Variants in EXOC6B observed in about 807,000 individuals in gnomAD.
EXOC6B encodes the protein exocyst complex component 6B.
A neutral mutation model predicts 113.5 loss-of-function variants in EXOC6B; 54 were observed. That is an observed-to-expected ratio of 0.48 (90% confidence interval 0.38 to 0.60). The LOEUF (loss-of-function observed/expected upper bound fraction) is 0.60. Ranked by LOEUF, EXOC6B falls within the 20% of genes least tolerant of loss-of-function variation. The pLI is 0.00. For synonymous variants in EXOC6B, 357 were observed against 339.0 expected (o/e 1.05, Z -0.58); for missense variants, 797 against 977.5 (o/e 0.82, Z 2.46).
intron 6 of EXOC6B, among the ~76,000 whole-genome samples, chr2:72,650,920 G>C (rs1023483667): frequency 6.6e-6 from 1 of 151,618 alleles, no homozygotes; most frequent in African/African-American, 2.4e-5. Context: ...CCAGGATTTT[G>C]AGGCTACAGT....
intron 6 of EXOC6B, among the ~76,000 whole-genome samples, chr2:72,616,904 C>T (rs564355240): frequency 7.7e-4 from 117 of 152,310 alleles, no homozygotes; most frequent in African/African-American, 2.7e-3. Context: ...AAAATCTCAT[C>T]TGAGACAAGG....
At chr2:72,278,758 C>G (rs541205653) in intron 20 of EXOC6B, among the ~76,000 whole-genome samples, 1 of 152,270 alleles carries the variant, frequency 6.6e-6, no homozygotes, top group African/African-American at 2.4e-5. Context: ...ATATCTAGTA[C>G]TGTTCCTAGT....
At chr2:72,396,410 T>G (rs1386502140) in intron 18 of EXOC6B, among the ~76,000 whole-genome samples, 1 of 151,998 alleles carries the variant, frequency 6.6e-6, no homozygotes, top group Non-Finnish European at 1.5e-5. Flanking sequence ...AAAATAAATA[T>G]CCACTGAAAA....
At chr2:72,600,226 A>G (rs1573464425) in intron 6 of EXOC6B, among the ~76,000 whole-genome samples, 2 of 152,226 alleles carry the variant, frequency 1.3e-5, no homozygotes, top group Non-Finnish European at 2.9e-5. Context: ...AGACTGCTTG[A>G]GCCCAGGAGT....
In EXOC6B at chr2:72,204,550, GAA is replaced by G. The variant is rs1491026362; in HGVS notation, c.2197-20365_2197-20364del. 2.4e-4 allele frequency among the ~76,000 whole-genome samples: 32 copies of G among 130,752 alleles called. 1 individual carries two copies. The highest frequency in any genetic ancestry group is 1.0e-3 in the African/African-American group (28 of 27,196). 85.8% of individuals were successfully genotyped at this position (130,752 alleles called of 152,430 possible). A position where few individuals can be genotyped will look rare whatever the true frequency, so the allele number is the denominator to read the frequency against. On this transcript the variant is annotated intron_variant, in intron 20 of 21. Transcript: ENST00000272427. ...CACATTAAAGGGGAGAAGACCAGAA[GAA>G]GAAAAAAAAAAAAGCAGGTGACCTC...
intron 20 of EXOC6B, among the ~76,000 whole-genome samples, chr2:72,240,120 A>G (rs1183667661): frequency 1.3e-5 from 2 of 152,160 alleles, no homozygotes; most frequent in African/African-American, 4.8e-5. Flanking sequence ...TGTCATCTAC[A>G]AATAAAGATA....
chr2:72,764,071 C>T (rs1478663503), intron 1 of EXOC6B, among the ~76,000 whole-genome samples: 1 of 151,890 alleles, frequency 6.6e-6, no homozygotes, highest in Admixed American at 6.6e-5. Flanking sequence ...AGAGCGAGCA[C>T]TTGTCTTAAA....
chr2:72,741,440 C>G lies in EXOC6B; in HGVS notation c.143G>C (p.Arg48Pro). 1 of 1,613,202 alleles carries G rather than the reference C, an allele frequency of 6.2e-7. No homozygotes were observed. Among genetic ancestry groups the G allele is most frequent in the African/African-American group, 1.3e-5 (1 of 74,878 alleles). ...ACGAGTTTCAAGCTTCTCCATGAAA[C>G]GTCCATGTTCTTCACCATCATAAAC... is the stretch of plus-strand genomic sequence containing the variant. ...RSVYDGEEHG[R>P]FMEKLETRIR... Residue 48 changes from arginine to proline, a missense_variant, in exon 2 of 22, where the codon CGT becomes CCT. Arg to Pro is a moderately radical substitution (Grantham distance 103). Coordinates refer to ENST00000272427, the MANE Select transcript of EXOC6B (RefSeq NM_015189.3).
At chr2:72,443,333 A>AG (rs1458184232) in intron 18 of EXOC6B, among the ~76,000 whole-genome samples, 4 of 151,198 alleles carry the variant, frequency 2.6e-5, no homozygotes, top group Non-Finnish European at 5.9e-5. Context: ...AAAAAAAAAA[A>AG]AAAAGAAAGA....
intron 6 of EXOC6B, among the ~76,000 whole-genome samples, chr2:72,661,442 A>T (rs147404315): frequency 6.6e-6 from 1 of 152,006 alleles, no homozygotes; most frequent in Non-Finnish European, 1.5e-5. Flanking sequence ...GTCAATATCA[A>T]TATCATAAAT....
intron 20 of EXOC6B, among the ~76,000 whole-genome samples, chr2:72,243,243 G>C (rs371025276): frequency 6.6e-6 from 1 of 152,250 alleles, no homozygotes. Context: ...TCATTACTGG[G>C]TATATACCCA....
intron 1 of EXOC6B, among the ~76,000 whole-genome samples, chr2:72,814,284 A>G (rs963830403): frequency 1.3e-5 from 2 of 152,242 alleles, no homozygotes; most frequent in African/African-American, 4.8e-5. Flanking sequence ...AGAGTTCTAA[A>G]CACTGGAAGC....
chr2:72,458,811 G>C (rs958216594), intron 18 of EXOC6B, among the ~76,000 whole-genome samples: 2 of 152,026 alleles, frequency 1.3e-5, no homozygotes, highest in Non-Finnish European at 2.9e-5. Flanking sequence ...AAATGACCTA[G>C]AGGTTAAAGT....
chr2:72,222,230 A>G (rs377488423), intron 20 of EXOC6B, among the ~76,000 whole-genome samples: 1 of 152,206 alleles, frequency 6.6e-6, no homozygotes, highest in East Asian at 1.9e-4. Flanking sequence ...TATAGGGAAT[A>G]CTATGACTGC....
intron 13 of EXOC6B, among the ~76,000 whole-genome samples, chr2:72,497,579 A>G (rs1467476120): frequency 1.3e-5 from 2 of 152,142 alleles, no homozygotes; most frequent in African/African-American, 4.8e-5. Flanking sequence ...CCTTAAATAC[A>G]ATTATACCAT....
intron 8 of EXOC6B, among the ~76,000 whole-genome samples, chr2:72,548,259 C>A (rs1703014510): frequency 6.6e-6 from 1 of 152,112 alleles, no homozygotes; most frequent in Admixed American, 6.5e-5. Flanking sequence ...AAGACCATGA[C>A]CGAAATCTGA....
intron 20 of EXOC6B, among the ~76,000 whole-genome samples, chr2:72,244,238 TA>T (rs1445893205): frequency 1.3e-5 from 2 of 152,044 alleles, no homozygotes; most frequent in African/African-American, 2.4e-5. Context: ...ATGAGAAATG[TA>T]AAAAAGAAAG....
intron 6 of EXOC6B, among the ~76,000 whole-genome samples, chr2:72,645,687 G>T (rs1258139899): frequency 6.6e-6 from 1 of 152,174 alleles, no homozygotes; most frequent in African/African-American, 2.4e-5. Flanking sequence ...GCTCCTGAAT[G>T]ACTACTGGGT....
chr2:72,731,192 A>G lies in EXOC6B; in HGVS notation c.381T>C (p.Ile127=). Reference sequence around the variant, plus strand: ...GCATTAATTTATCAACAGTGGCAGAAATATTTCTCTGTTGTAGTCGACACT... The same window carrying G: ...GCATTAATTTATCAACAGTGGCAGAGATATTTCTCTGTTGTAGTCGACACT... The part of the protein sequence containing the change: ...LKQCRLQQRN[I]SATVDKLMLC... Residue 127 remains isoleucine (I), a synonymous_variant, in exon 4 of 22, where the codon ATT becomes ATC. Coordinates refer to ENST00000272427, the MANE Select transcript of EXOC6B (RefSeq NM_015189.3). 6.2e-7 allele frequency: 1 copy of G among 1,613,472 alleles called. No homozygotes were observed. The highest frequency in any genetic ancestry group is 8.5e-7 in the Non-Finnish European group (1 of 1,179,714).
Sources: gnomAD v4.1 joint callset for allele counts (sites outside exome capture counted in the v4.1 genomes callset) on GRCh38, gnomAD v4.1.1 for gene constraint, MANE v1.5 for transcripts, NCBI Gene and HGNC (gene_info 2026-07-23, HGNC 2026-07-21) for gene names.